SLC5A12: variants seen among roughly 807,000 people sequenced by gnomAD.
SLC5A12 encodes the protein solute carrier family 5 member 12, also known as sodium-coupled monocarboxylate transporter 2.
A neutral mutation model predicts 72.7 loss-of-function variants in SLC5A12; 46 were observed. That is an observed-to-expected ratio of 0.63 (90% CI 0.50 to 0.81). The LOEUF (loss-of-function observed/expected upper bound fraction) is 0.81. Ranked by LOEUF, SLC5A12 falls within the 30% of genes least tolerant of loss-of-function variation. The probability of loss-of-function intolerance (pLI) is 0.00; values close to 1 mark genes in which losing one functional copy is unlikely to be tolerated. For missense variants in SLC5A12, 683 were observed against 740.7 expected (o/e 0.92, Z 0.90); for synonymous variants, 275 against 264.4 (o/e 1.04, Z -0.39).
At chr11:26,709,187 C>T (rs1262558150) in intron 4 of SLC5A12, 125 bp downstream of exon 4, 33 of 603,260 alleles carry the variant, frequency 5.5e-5, no homozygotes, top group Non-Finnish European at 7.7e-5. Context: ...ACAGATAAGC[C>T]GACATACTTC....
intron 1 of SLC5A12, among the ~76,000 whole-genome samples, chr11:26,720,902 A>C (rs1239572412): frequency 6.6e-6 from 1 of 152,228 alleles, no homozygotes; most frequent in Non-Finnish European, 1.5e-5. Flanking sequence ...TCTCTGACGG[A>C]AAGGCCACTA....
intron 13 of SLC5A12, among the ~76,000 whole-genome samples, chr11:26,676,527 C>T (rs966797838): frequency 1.3e-5 from 2 of 152,034 alleles, no homozygotes; most frequent in Non-Finnish European, 1.5e-5. Context: ...TAAATATAAA[C>T]TACTGTACAC....
At chr11:26,686,284 C>T (rs185810681) in intron 10 of SLC5A12, among the ~76,000 whole-genome samples, 193 bp downstream of exon 10, 5 of 105,442 alleles carry the variant, frequency 4.7e-5, no homozygotes, top group East Asian at 3.0e-4. Flanking sequence ...AGTGATTTCT[C>T]TTTCTGAAAA....
intron 2 of SLC5A12, 82 bp from the exon 3 acceptor site, chr11:26,711,440 T>C (rs1173683413): frequency 1.9e-6 from 2 of 1,026,482 alleles, no homozygotes; most frequent in Non-Finnish European, 3.0e-6. Flanking sequence ...TTATCGACGT[T>C]AGACTTGTAT....
At chr11:26,678,143 C>T (rs1202513070) in intron 13 of SLC5A12, among the ~76,000 whole-genome samples, 1 of 152,106 alleles carries the variant, frequency 6.6e-6, no homozygotes, top group African/African-American at 2.4e-5. Context: ...CAGTGTTTTG[C>T]TTTTCTAGTA....
At chr11:26,682,921 C>G (rs1854443686) in intron 11 of SLC5A12, among the ~76,000 whole-genome samples, 1 of 151,986 alleles carries the variant, frequency 6.6e-6, no homozygotes, top group South Asian at 2.1e-4. Flanking sequence ...TACTTAGCCC[C>G]ACAGGATTTA....
At chr11:26,695,109 C>T (rs1478620123) in intron 8 of SLC5A12, among the ~76,000 whole-genome samples, 1 of 151,690 alleles carries the variant, frequency 6.6e-6, no homozygotes, top group Non-Finnish European at 1.5e-5. Flanking sequence ...TTTAAAACCC[C>T]TAGATATCAG....
At chr11:26,679,820 A>C (rs966557877) in intron 12 of SLC5A12, among the ~76,000 whole-genome samples, 8 of 152,152 alleles carry the variant, frequency 5.3e-5, no homozygotes, top group Non-Finnish European at 1.0e-4. Context: ...AAGCACATGA[A>C]TCATTTAAGT....
Position 26,703,788 on chromosome 11 carries a change from C to G in SLC5A12, c.680+5G>C. 1.2e-6 allele frequency: 2 copies of G among 1,613,676 alleles called. No homozygotes were observed. The highest frequency in any genetic ancestry group is 1.7e-6 in the Non-Finnish European group (2 of 1,179,722). On this transcript the variant is annotated splice_donor_5th_base_variant and intron_variant, in intron 5 of 14. Transcript: ENST00000396005. ...TAAAGTATGAAAAAGTTGCATTGGA[C>G]ATACTCAAATATATGTAGTCGAGAT...
chr11:26,677,009 A>T (rs940032271), intron 13 of SLC5A12, among the ~76,000 whole-genome samples: 13 of 152,174 alleles, frequency 8.5e-5, no homozygotes, highest in Admixed American at 3.3e-4. Flanking sequence ...CTACATTTAA[A>T]CATTGTAAGA....
intron 9 of SLC5A12, among the ~76,000 whole-genome samples, chr11:26,689,314 C>G (rs1157952975): frequency 6.6e-6 from 1 of 152,120 alleles, no homozygotes; most frequent in Non-Finnish European, 1.5e-5. Context: ...AGGAGAATCC[C>G]TTGAACCCGG....
In SLC5A12 at chr11:26,669,733, T is replaced by C. The variant is rs1854095660; in HGVS notation, c.*1369A>G. The C allele has an allele frequency of 1.3e-5, 2 of 152,124 alleles. No homozygotes were observed. Among genetic ancestry groups the C allele is most frequent in the Admixed American group, 6.6e-5 (1 of 15,238 alleles). The allele number at this position is 152,124 out of a possible 1,614,324, so 9.4% of individuals were successfully genotyped here. A position where few individuals can be genotyped will look rare whatever the true frequency, so the allele number is the denominator to read the frequency against. On this transcript the variant is annotated 3_prime_UTR_variant, in exon 15 of 15. Transcript: ENST00000396005. ...TCTATTGTATGCTTCTTTCAAGGCTTTCTCTTTTGAGAAATATTTAAAGAC... is the reference window on the plus strand; with the variant it reads ...TCTATTGTATGCTTCTTTCAAGGCTCTCTCTTTTGAGAAATATTTAAAGAC...
intron 4 of SLC5A12, among the ~76,000 whole-genome samples, chr11:26,704,963 G>T (rs1483477590): frequency 6.6e-6 from 1 of 152,056 alleles, no homozygotes; most frequent in Admixed American, 6.6e-5. Context: ...AAATGGTGAG[G>T]TAAGTGGAAC....
intron 3 of SLC5A12, among the ~76,000 whole-genome samples, chr11:26,710,210 G>A (rs985194444): frequency 1.2e-4 from 18 of 152,126 alleles, no homozygotes; most frequent in South Asian, 8.3e-4. Flanking sequence ...TCATTTTTAT[G>A]GCTGCATAGT....
At chr11:26,708,926 C>T (rs1327076300) in intron 4 of SLC5A12, 1 of 155,638 alleles carries the variant, frequency 6.4e-6, no homozygotes, top group Non-Finnish European at 1.4e-5. Context: ...TTTGTTATTT[C>T]TCAACCAGTA....
At chr11:26,683,731 T>C in intron 11 of SLC5A12, 26 bp downstream of exon 11, 1 of 1,554,460 alleles carries the variant, frequency 6.4e-7, no homozygotes, top group Non-Finnish European at 8.7e-7. Flanking sequence ...GACTGGGAAT[T>C]GTGAAGAGGG....
intron 6 of SLC5A12, among the ~76,000 whole-genome samples, chr11:26,700,625 A>G (rs902775753): frequency 6.6e-6 from 1 of 151,672 alleles, no homozygotes; most frequent in African/African-American, 2.4e-5. Flanking sequence ...GCTCATCGTA[A>G]CTGGGAGATG....
rs891241281 is a variant in SLC5A12 at position 26,683,611 on chromosome 11, A to G, written c.1308+146T>C. 96 of 579,532 alleles carry G rather than the reference A, an allele frequency of 1.7e-4. No individual in the cohort carries two copies. In the African/African-American group the frequency reaches 1.7e-3, roughly 10 times the overall value. 35.9% of individuals were successfully genotyped at this position (579,532 alleles called of 1,614,324 possible). On this transcript the variant is annotated intron_variant, in intron 11 of 14. Transcript: ENST00000396005. Reference sequence around the variant, plus strand: ...GAAAGATGTCACTGAAGTCAGAGACAGGTAGACTCAAGCTCTGTTTAATTC... The same window carrying G: ...GAAAGATGTCACTGAAGTCAGAGACGGGTAGACTCAAGCTCTGTTTAATTC...
At chr11:26,677,630 T>G (rs1414215307) in intron 13 of SLC5A12, among the ~76,000 whole-genome samples, 1 of 152,170 alleles carries the variant, frequency 6.6e-6, no homozygotes, top group African/African-American at 2.4e-5. Flanking sequence ...TTGAGAGAGT[T>G]GTTATTATGT....
Sources: gnomAD v4.1 joint callset for allele counts (sites outside exome capture counted in the v4.1 genomes callset) on GRCh38, gnomAD v4.1.1 for gene constraint, MANE v1.5 for transcripts, NCBI Gene and HGNC (gene_info 2026-07-23, HGNC 2026-07-21) for gene names.